CFAP61: variants seen among roughly 807,000 people sequenced by gnomAD.
CFAP61 encodes the protein cilia and flagella associated protein 61.
Under a neutral mutation model 135.6 loss-of-function variants are expected in CFAP61, and 107 were observed. The ratio of observed to expected loss-of-function variants is 0.79; its 90% CI spans 0.67 to 0.93. The LOEUF is 0.93. CFAP61 is among the 40% of genes least tolerant of loss of function. The pLI, the probability that CFAP61 is intolerant of heterozygous loss-of-function variation, is 0.00. For missense variants in CFAP61, 1,507 were observed against 1,556.2 expected (o/e 0.97, Z 0.53); for synonymous variants, 575 against 578.5 (o/e 0.99, Z 0.09).
intron 2 of CFAP61, among the ~76,000 whole-genome samples, chr20:20,057,762 A>C (rs1253443802): frequency 6.6e-6 from 1 of 152,088 alleles, no homozygotes; most frequent in Non-Finnish European, 1.5e-5. Flanking sequence ...TATTGCCCAG[A>C]TCTGGGGTGC....
intron 25 of CFAP61, among the ~76,000 whole-genome samples, chr20:20,314,089 A>G (rs1311788568): frequency 1.3e-5 from 2 of 152,050 alleles, no homozygotes; most frequent in Non-Finnish European, 1.5e-5. Flanking sequence ...TTAGGGATCA[A>G]ATTTCAACAT....
chr20:20,274,352 A>G (rs1462777903), intron 21 of CFAP61, among the ~76,000 whole-genome samples: 6 of 152,224 alleles, frequency 3.9e-5, no homozygotes, highest in Admixed American at 3.9e-4. Context: ...CTCCCACAGA[A>G]TGGAGACATT....
chr20:20,334,413 C>T (rs760554896), intron 25 of CFAP61, among the ~76,000 whole-genome samples: 29 of 152,322 alleles, frequency 1.9e-4, no homozygotes, highest in Admixed American at 5.9e-4. Context: ...AGGCATAAGC[C>T]GCTGTGTGTG....
chr20:20,164,481 T>C (rs1055580208), intron 11 of CFAP61, among the ~76,000 whole-genome samples: 1 of 152,212 alleles, frequency 6.6e-6, no homozygotes, highest in South Asian at 2.1e-4. Flanking sequence ...AAATTATCAC[T>C]TACATAACCA....
intron 8 of CFAP61, among the ~76,000 whole-genome samples, chr20:20,103,317 C>T (rs1175269701): frequency 6.6e-6 from 1 of 152,144 alleles, no homozygotes; most frequent in Non-Finnish European, 1.5e-5. Flanking sequence ...CATAGCTACC[C>T]ATTTTGCATG....
chr20:20,117,910 A>T (rs1254201859), intron 8 of CFAP61, among the ~76,000 whole-genome samples: 1 of 152,166 alleles, frequency 6.6e-6, no homozygotes, highest in African/African-American at 2.4e-5. Context: ...TGGTGATAAA[A>T]TACTACTGAT....
chr20:20,163,973 A>T, intron 10 of CFAP61, 77 bp from the exon 11 acceptor site: 3 of 1,230,200 alleles, frequency 2.4e-6, no homozygotes, highest in South Asian at 3.0e-5. Flanking sequence ...TCATGTAGAG[A>T]TAATGCAGCC....
intron 7 of CFAP61, among the ~76,000 whole-genome samples, chr20:20,097,205 T>C (rs529858285): frequency 6.6e-6 from 1 of 152,210 alleles, no homozygotes; most frequent in Non-Finnish European, 1.5e-5. Context: ...TATGGAAAGA[T>C]GCTGCGTTCT....
intron 25 of CFAP61, among the ~76,000 whole-genome samples, chr20:20,318,724 G>C (rs2057275582): frequency 6.6e-6 from 1 of 152,224 alleles, no homozygotes. Flanking sequence ...TGGCTCCCAT[G>C]ATGTGTCTGC....
intron 25 of CFAP61, among the ~76,000 whole-genome samples, chr20:20,336,545 A>C (rs965323223): frequency 2.0e-5 from 3 of 152,144 alleles, no homozygotes; most frequent in Admixed American, 2.0e-4. Flanking sequence ...GGATCACTTA[A>C]GCCCAGGAGT....
In CFAP61 at chr20:20,166,428, C is replaced by CT; in HGVS notation, c.1243dup (p.Ser415PhefsTer2). ...GGATTTTATGAATTTTGTTTTCAGTCTTTTTTCTGTAAGTACATGCTGAAT... is the reference window on the plus strand; with the variant it reads ...GGATTTTATGAATTTTGTTTTCAGTCTTTTTTTCTGTAAGTACATGCTGAAT... On this transcript the variant is annotated frameshift_variant, in exon 12 of 27. Transcript: ENST00000245957. LOFTEE classifies it high-confidence loss of function. The CT allele has an allele frequency of 6.2e-7, 1 of 1,613,106 alleles. No homozygotes were observed. Among genetic ancestry groups the CT allele is most frequent in the Non-Finnish European group, 8.5e-7 (1 of 1,179,268 alleles).
intron 6 of CFAP61, among the ~76,000 whole-genome samples, chr20:20,087,469 A>G (rs1343094714): frequency 3.3e-5 from 5 of 152,170 alleles, no homozygotes; most frequent in Non-Finnish European, 5.9e-5. Flanking sequence ...ACATGATTTC[A>G]TTATTTCTTA....
chr20:20,164,237 T>C lies in CFAP61; in HGVS notation c.1205+9T>C. 6.2e-7 allele frequency: 1 copy of C among 1,600,248 alleles called. No individual in the cohort carries two copies. Among genetic ancestry groups the C allele is most frequent in the Non-Finnish European group, 8.5e-7 (1 of 1,171,616 alleles). ...GAGAAATATGAAGCAAGGCAAGTAC[T>C]GACCTTCTGGCTGGCTGTCACAGTG... is the stretch of plus-strand genomic sequence containing the variant. On this transcript the variant is annotated intron_variant, in intron 11 of 26. Coordinates refer to ENST00000245957, the MANE Select transcript of CFAP61 (RefSeq NM_015585.4).
Position 20,072,091 on chromosome 20 carries a change from C to CTTTTTTTTTTTT in CFAP61, c.294+1117_294+1128dup, listed in dbSNP as rs71198039. ...CCTATTTGGTATCTAATCTAGCAAT[C>CTTTTTTTTTTTT]TTTTTTTTTTTTTTTTTTTTTTTTT... On this transcript the variant is annotated intron_variant, in intron 3 of 26. Transcript: ENST00000245957. Among the ~76,000 whole-genome samples, 11 of 57,638 alleles carry CTTTTTTTTTTTT rather than the reference C, an allele frequency of 1.9e-4. 4 individuals are homozygous for CTTTTTTTTTTTT. The highest frequency in any genetic ancestry group is 3.5e-4 in the Non-Finnish European group (10 of 28,740). 37.8% of individuals were successfully genotyped at this position (57,638 alleles called of 152,430 possible). A position where few individuals can be genotyped will look rare whatever the true frequency, so the allele number is the denominator to read the frequency against.
chr20:20,106,432 A>G (rs1464347039), intron 8 of CFAP61, among the ~76,000 whole-genome samples: 2 of 152,242 alleles, frequency 1.3e-5, no homozygotes, highest in South Asian at 2.1e-4. Flanking sequence ...AGACAGCAAC[A>G]TGACTGAGAT....
At chr20:20,323,305 C>T (rs1026990805) in intron 25 of CFAP61, 2 of 985,218 alleles carry the variant, frequency 2.0e-6, no homozygotes, top group South Asian at 9.4e-5. Context: ...AATTTTCAGG[C>T]CTTCAAAAGA....
rs773980997 is a variant in CFAP61, at chr20:20,070,860, G to A, written c.150G>A (p.Lys50=). The change falls in exon 3 of 27, where the codon AAG becomes AAA. Residue 50 remains lysine, a synonymous_variant. Coordinates refer to ENST00000245957, the MANE Select transcript of CFAP61 (RefSeq NM_015585.4). ...GKLNIIYLLE[K]ANLAVTLCND... ...ATTGTAATCATTTCTGCAGAGAAAA[G>A]GCCAACCTTGCTGTTACCCTCTGCA... The A allele has an allele frequency of 6.2e-7, 1 of 1,611,832 alleles. No homozygotes were observed. Among genetic ancestry groups the A allele is most frequent in the South Asian group, 1.1e-5 (1 of 90,688 alleles).
chr20:20,334,142 T>G (rs1279374358), intron 25 of CFAP61, among the ~76,000 whole-genome samples: 2 of 152,194 alleles, frequency 1.3e-5, no homozygotes, highest in African/African-American at 4.8e-5. Flanking sequence ...TTCTTTTTTT[T>G]TTGAGACAAA....
chr20:20,104,900 C>CA (rs890478191), intron 8 of CFAP61, among the ~76,000 whole-genome samples: 2 of 152,070 alleles, frequency 1.3e-5, no homozygotes, highest in Non-Finnish European at 2.9e-5. Context: ...ATAAGGACAC[C>CA]AGTCACAATG....
Sources: allele counts gnomAD v4.1 joint callset (sites outside exome capture counted in the v4.1 genomes callset), GRCh38; gene constraint gnomAD v4.1.1; transcripts MANE v1.5; gene names NCBI Gene and HGNC (gene_info 2026-07-23, HGNC 2026-07-21).